The following HSDL1 variants were observed in gnomAD, a reference collection of about 807,000 sequenced individuals.
The protein encoded by HSDL1 is inactive hydroxysteroid dehydrogenase-like protein 1.
Under a neutral mutation model 31.5 loss-of-function variants are expected in HSDL1, and 29 were observed. The observed-to-expected ratio is 0.92, with a 90% CI of 0.69 to 1.26. HSDL1 has a LOEUF of 1.26. HSDL1 is among the 50% of genes most tolerant of loss of function. HSDL1 has a pLI of 0.00. For synonymous variants in HSDL1, 222 were observed against 155.2 expected (o/e 1.43, Z -3.20); for missense variants, 503 against 416.6 (o/e 1.21, Z -1.81).
At chr16:84,140,721 G>A (rs1039483047) in intron 1 of HSDL1, among the ~76,000 whole-genome samples, 1 of 152,170 alleles carries the variant, frequency 6.6e-6, no homozygotes, top group African/African-American at 2.4e-5. Flanking sequence ...CTATCCTGGA[G>A]GCAGCCTCTC....
rs770932640 is a variant in HSDL1 at position 84,129,820 on chromosome 16, C to A, written c.667-45G>T. 16 of 1,526,538 alleles carry A rather than the reference C, an allele frequency of 1.0e-5. No individual in the cohort carries two copies. The South Asian group carries it at 1.9e-4, about 18-fold the overall frequency. The allele number at this position is 1,526,538 out of a possible 1,614,324, so 94.6% of individuals were successfully genotyped here. A position where few individuals can be genotyped will look rare whatever the true frequency, so the allele number is the denominator to read the frequency against. On this transcript the variant is annotated intron_variant, in intron 4 of 5. Coordinates refer to ENST00000219439, the MANE Select transcript of HSDL1 (RefSeq NM_031463.5). ...GAAAAGACTTTTAATTCTGGGTGAA[C>A]TTGAAAATTCAGGAGAAAAAAAGAC...
At chr16:84,133,091 T>C (rs899875218) in intron 2 of HSDL1, among the ~76,000 whole-genome samples, 2 of 151,498 alleles carry the variant, frequency 1.3e-5, no homozygotes, top group African/African-American at 4.8e-5. Context: ...CAGTGTAATC[T>C]GAGCTCAACA....
intron 1 of HSDL1, among the ~76,000 whole-genome samples, chr16:84,141,106 C>A (rs1217548436): frequency 1.3e-4 from 20 of 149,754 alleles, no homozygotes; most frequent in African/African-American, 4.6e-4. Context: ...AAAAAAAAAA[C>A]AGTATTGCTA....
Position 84,122,687 on chromosome 16 carries a change from A to C in HSDL1, c.*1943T>G, listed in dbSNP as rs889738740. On this transcript the variant is annotated 3_prime_UTR_variant, in exon 6 of 6. Transcript: ENST00000219439. ...ACATTCTTAATGACACCCCATCCAC[A>C]GTGGTCCAATCAACTTTCAAATTAG... The C allele has an allele frequency of 6.6e-6, 1 of 152,216 alleles. No homozygotes were observed. The highest frequency in any genetic ancestry group is 1.5e-5 in the Non-Finnish European group (1 of 68,044). 9.4% of individuals were successfully genotyped at this position (152,216 alleles called of 1,614,324 possible). A position where few individuals can be genotyped will look rare whatever the true frequency, so the allele number is the denominator to read the frequency against.
chr16:84,133,022 T>C (rs1307995227), intron 2 of HSDL1, among the ~76,000 whole-genome samples: 15 of 142,002 alleles, frequency 1.1e-4, no homozygotes, highest in Non-Finnish European at 2.2e-4. Flanking sequence ...TACCCAACAA[T>C]AGCAGCACAA....
intron 2 of HSDL1, among the ~76,000 whole-genome samples, chr16:84,134,807 A>G (rs1013492252): frequency 1.3e-5 from 2 of 152,238 alleles, no homozygotes; most frequent in Non-Finnish European, 2.9e-5. Flanking sequence ...AGGACCTCTC[A>G]AGCAAAATGT....
At chr16:84,133,595 T>G (rs2086687357) in intron 2 of HSDL1, among the ~76,000 whole-genome samples, 1 of 152,160 alleles carries the variant, frequency 6.6e-6, no homozygotes, top group Admixed American at 6.5e-5. Context: ...CTGGGCATGG[T>G]GGTGGGCACA....
intron 5 of HSDL1, among the ~76,000 whole-genome samples, chr16:84,125,963 C>T (rs2086602533): frequency 1.3e-5 from 2 of 152,024 alleles, no homozygotes; most frequent in South Asian, 2.1e-4. Flanking sequence ...ATTAGCCAGG[C>T]GTGGTGGCGG....
intron 1 of HSDL1, among the ~76,000 whole-genome samples, chr16:84,142,958 A>G (rs1321758731): frequency 6.6e-6 from 1 of 152,216 alleles, no homozygotes; most frequent in African/African-American, 2.4e-5. Context: ...GTATAGGACT[A>G]AACGCACAAT....
In HSDL1 at chr16:84,130,281, G is replaced by C. The variant is rs746851971; in HGVS notation, c.371C>G (p.Ala124Gly). Residue 124 changes from alanine (A) to glycine (G), a missense_variant, in exon 4 of 6, where the codon GCG (alanine) becomes GGG (glycine). Physicochemically the swap from Ala to Gly is moderately conservative, Grantham distance 60. Transcript: ENST00000219439. ...GATCTCACGACCGCTGCTGAAGTCC[G>C]CAACTATAATATCAGTTTCCACTTT... Reference protein sequence around the residue: ...TYKVETDIIVADFSSGREIYL... With the variant: ...TYKVETDIIVGDFSSGREIYL... 1.9e-6 allele frequency: 3 copies of C among 1,614,024 alleles called. No individual in the cohort carries two copies. In the African/African-American group the frequency reaches 4.0e-5, roughly 22 times the overall value.
intron 3 of HSDL1, 165 bp downstream of exon 3, chr16:84,130,937 T>A: frequency 1.6e-6 from 1 of 632,060 alleles, no homozygotes; most frequent in East Asian, 2.7e-5. Context: ...CTTCCTAAGA[T>A]GAGAGCAGTA....
intron 2 of HSDL1, among the ~76,000 whole-genome samples, chr16:84,135,013 CA>C (rs2086699709): frequency 6.6e-6 from 1 of 152,124 alleles, no homozygotes; most frequent in South Asian, 2.1e-4. Context: ...ACGGGCGGAT[CA>C]CGAGGTCAGG....
chr16:84,133,707 C>T (rs1290634441), intron 2 of HSDL1, among the ~76,000 whole-genome samples: 1 of 152,138 alleles, frequency 6.6e-6, no homozygotes, highest in African/African-American at 2.4e-5. Context: ...CCAGCCTGGG[C>T]GACAGAGTGA....
chr16:84,139,536 A>G (rs970607695), intron 1 of HSDL1, among the ~76,000 whole-genome samples: 2 of 152,214 alleles, frequency 1.3e-5, no homozygotes, highest in African/African-American at 4.8e-5. Context: ...CCTTGACTTT[A>G]GCGCAGTCAC....
intron 5 of HSDL1, among the ~76,000 whole-genome samples, chr16:84,127,909 C>T (rs1433490430): frequency 3.3e-5 from 5 of 150,666 alleles, no homozygotes; most frequent in East Asian, 2.0e-4. Flanking sequence ...TTAATAGAGA[C>T]GGGGTTTCAC....
At chr16:84,136,611 C>T (rs552017887) in intron 1 of HSDL1, among the ~76,000 whole-genome samples, 2 of 152,354 alleles carry the variant, frequency 1.3e-5, no homozygotes, top group South Asian at 2.1e-4. Flanking sequence ...CTCAGGCCAG[C>T]AGAGGAGATG....
chr16:84,142,223 T>C (rs1304530073), intron 1 of HSDL1, among the ~76,000 whole-genome samples: 1 of 152,224 alleles, frequency 6.6e-6, no homozygotes, highest in East Asian at 1.9e-4. Flanking sequence ...CCACTGCACC[T>C]GGCTGAATGT....
intron 1 of HSDL1, among the ~76,000 whole-genome samples, chr16:84,139,571 G>A (rs915013857): frequency 1.3e-5 from 2 of 152,186 alleles, no homozygotes; most frequent in Non-Finnish European, 2.9e-5. Context: ...CCCATCTCCA[G>A]AAGGAAGAGA....
intron 2 of HSDL1, among the ~76,000 whole-genome samples, chr16:84,133,058 G>C (rs189822178): frequency 6.6e-6 from 1 of 151,232 alleles, no homozygotes; most frequent in Non-Finnish European, 1.5e-5. Context: ...AGAAAGAATG[G>C]GGAATTCCCT....
Sources: gnomAD v4.1 joint callset for allele counts (sites outside exome capture counted in the v4.1 genomes callset) on GRCh38, gnomAD v4.1.1 for gene constraint, MANE v1.5 for transcripts, NCBI Gene and HGNC (gene_info 2026-07-23, HGNC 2026-07-21) for gene names.